CRYBB1: variants seen among roughly 807,000 people sequenced by gnomAD.
CRYBB1 encodes crystallin beta B1, also known as beta-crystallin B1.
Under a neutral mutation model 29.5 loss-of-function variants are expected in CRYBB1, and 16 were observed. The observed-to-expected ratio is 0.54, with a 90% CI of 0.37 to 0.82. CRYBB1 has a LOEUF of 0.82. CRYBB1 is among the 40% of genes least tolerant of loss of function. The pLI, the probability that CRYBB1 is intolerant of heterozygous loss-of-function variation, is 0.00. For synonymous variants in CRYBB1, 127 were observed against 136.7 expected, an observed-to-expected ratio of 0.93 and a Z score of 0.49; for missense variants, 300 against 350.5, an observed-to-expected ratio of 0.86 and a Z score of 1.15.
At chr22:26,617,115 G>A (rs1043237708) in intron 1 of CRYBB1, among the ~76,000 whole-genome samples, 15 of 152,148 alleles carry the variant, frequency 9.9e-5, no homozygotes, top group African/African-American at 3.6e-4. Flanking sequence ...TGAGGCTTAT[G>A]GGAGGACCCA....
Position 26,617,996 on chromosome 22 carries a change from T to C in CRYBB1, c.-39A>G. 6.5e-6 allele frequency: 1 copy of C among 153,566 alleles called. No individual in the cohort carries two copies. The highest frequency in any genetic ancestry group is 1.5e-5 in the Non-Finnish European group (1 of 68,644). 9.5% of individuals were successfully genotyped at this position (153,566 alleles called of 1,614,324 possible). A position where few individuals can be genotyped will look rare whatever the true frequency, so the allele number is the denominator to read the frequency against. Reference sequence around the variant, plus strand: ...TCTTACCTGGGGACTTGCTACTTCCTGCTGGAGGACAGGCAGGCGGGCAGG... The same window carrying C: ...TCTTACCTGGGGACTTGCTACTTCCCGCTGGAGGACAGGCAGGCGGGCAGG... On this transcript the variant is annotated 5_prime_UTR_variant, in exon 1 of 6. Transcript: ENST00000647684.
intron 2 of CRYBB1, among the ~76,000 whole-genome samples, chr22:26,615,045 T>C (rs1482660318): frequency 6.6e-6 from 1 of 152,180 alleles, no homozygotes; most frequent in East Asian, 1.9e-4. Flanking sequence ...GGCTTTTATA[T>C]GGGTGGTGGG....
intron 4 of CRYBB1, 144 bp downstream of exon 4, chr22:26,607,745 A>G: frequency 9.1e-7 from 1 of 1,094,910 alleles, no homozygotes; most frequent in Non-Finnish European, 1.4e-6. Context: ...GATGAGCTCA[A>G]GAATCCACGG....
chr22:26,613,813 G>A (rs896735922), intron 2 of CRYBB1, among the ~76,000 whole-genome samples: 6 of 152,154 alleles, frequency 3.9e-5, no homozygotes, highest in South Asian at 2.1e-4. Context: ...CCAGTGAGCC[G>A]GGCAGAACAG....
chr22:26,612,206 C>T lies in CRYBB1; in HGVS notation c.181-16G>A. 1 of 1,582,152 alleles carries T rather than the reference C, an allele frequency of 6.3e-7. No individual in the cohort carries two copies. The highest frequency in any genetic ancestry group is 2.2e-5 in the East Asian group (1 of 44,672). ...AGACCACCAGCTGCAGGAGAGAAGC[C>T]CCCATGCCAAGGGCAGAGTGAGGGG... On this transcript the variant is annotated splice_polypyrimidine_tract_variant and intron_variant, in intron 2 of 5. Coordinates refer to ENST00000647684, the MANE Select transcript of CRYBB1 (RefSeq NM_001887.4).
At chr22:26,603,860 G>A (rs1170069605) in intron 4 of CRYBB1, among the ~76,000 whole-genome samples, 1 of 152,094 alleles carries the variant, frequency 6.6e-6, no homozygotes, top group East Asian at 1.9e-4. Context: ...GGAGGCAGAG[G>A]TTGCAGTGAG....
chr22:26,611,520 T>C (rs1438239252), intron 3 of CRYBB1, among the ~76,000 whole-genome samples: 1 of 149,518 alleles, frequency 6.7e-6, no homozygotes. Flanking sequence ...CAGGCCGGAC[T>C]GCAGACTGCA....
At chr22:26,611,043 C>T (rs1256729294) in intron 3 of CRYBB1, among the ~76,000 whole-genome samples, 3 of 152,204 alleles carry the variant, frequency 2.0e-5, no homozygotes, top group Non-Finnish European at 4.4e-5. Flanking sequence ...AGGGCAACCA[C>T]TCTGCCCAAG....
intron 3 of CRYBB1, among the ~76,000 whole-genome samples, chr22:26,608,850 C>T (rs144195328): frequency 2.8e-3 from 419 of 152,014 alleles, no homozygotes; most frequent in African/African-American, 9.3e-3. Flanking sequence ...CCTCAGATAC[C>T]TATGGTAATA....
rs1928754633 is a variant in CRYBB1 at position 26,599,488 on chromosome 22, AC to A, written c.*1del. 6.2e-7 allele frequency: 1 copy of A among 1,609,064 alleles called. No homozygotes were observed. Among genetic ancestry groups the A allele is most frequent in the South Asian group, 1.1e-5 (1 of 90,984 alleles). ...GGCAAGGTAGCAGAGTGAGGTGTGG[AC>A]TCACTTGGGGGGCTCTGTGGCCAGG... On this transcript the variant is annotated 3_prime_UTR_variant, in exon 6 of 6. Transcript: ENST00000647684.
At chr22:26,608,512 C>T (rs970751663) in intron 3 of CRYBB1, among the ~76,000 whole-genome samples, 3 of 152,210 alleles carry the variant, frequency 2.0e-5, no homozygotes, top group African/African-American at 7.2e-5. Flanking sequence ...CCAGAACCTC[C>T]AGCAGACAAT....
At chr22:26,607,848 C>T (rs954723276) in intron 4 of CRYBB1, 41 bp downstream of exon 4, 28 of 1,613,682 alleles carry the variant, frequency 1.7e-5, no homozygotes, top group African/African-American at 1.2e-4. Context: ...TGCCCTGCCC[C>T]GCCTGGCTGA....
intron 4 of CRYBB1, among the ~76,000 whole-genome samples, chr22:26,607,577 A>G (rs1929020720): frequency 6.6e-6 from 1 of 151,792 alleles, no homozygotes; most frequent in Admixed American, 6.6e-5. Context: ...AAAAAAAAAA[A>G]AAGCTCCCAG....
intron 4 of CRYBB1, among the ~76,000 whole-genome samples, chr22:26,603,941 A>C (rs980813708): frequency 5.9e-5 from 9 of 151,616 alleles, no homozygotes; most frequent in African/African-American, 2.2e-4. Context: ...AAACAAACAA[A>C]CAACCAGGCC....
In CRYBB1 at chr22:26,616,132, G is replaced by A; in HGVS notation, c.180+8C>T. 2 of 1,613,150 alleles carry A rather than the reference G, an allele frequency of 1.2e-6. No homozygotes were observed. Among genetic ancestry groups the A allele is most frequent in the South Asian group, 2.2e-5 (2 of 91,070 alleles). On this transcript the variant is annotated splice_region_variant and intron_variant, in intron 2 of 5. Coordinates refer to ENST00000647684, the MANE Select transcript of CRYBB1 (RefSeq NM_001887.4). ...TGGCACCCAGCCACTGCACCCCCAGGTCCTTACCCTGTAGTTCCCAGGAGG... is the reference window on the plus strand; with the variant it reads ...TGGCACCCAGCCACTGCACCCCCAGATCCTTACCCTGTAGTTCCCAGGAGG...
chr22:26,609,131 GGACACT>G (rs774334749), intron 3 of CRYBB1, among the ~76,000 whole-genome samples: 3 of 152,088 alleles, frequency 2.0e-5, no homozygotes, highest in Non-Finnish European at 2.9e-5. Context: ...ACGGATGAGG[GGACACT>G]GACACTAGCA....
At chr22:26,605,760 T>A (rs1928959723) in intron 4 of CRYBB1, among the ~76,000 whole-genome samples, 1 of 151,746 alleles carries the variant, frequency 6.6e-6, no homozygotes, top group Non-Finnish European at 1.5e-5. Flanking sequence ...TATTTTTTTT[T>A]TTTATTTTGA....
rs150312309 is a variant in CRYBB1, at chr22:26,614,150, G to A, written c.181-1960C>T. 2.3e-3 allele frequency among the ~76,000 whole-genome samples: 348 copies of A among 152,186 alleles called. 1 individual carries two copies. Among genetic ancestry groups the A allele is most frequent in the African/African-American group, 8.0e-3 (331 of 41,518 alleles). ...TCATTAGCAATTTTAATTTTGCCCC[G>A]GTCCTGTGATCCTGTGATCTCTCCC... is the stretch of plus-strand genomic sequence containing the variant. On this transcript the variant is annotated intron_variant, in intron 2 of 5. Transcript: ENST00000647684.
chr22:26,607,668 G>C (rs1929024152), intron 4 of CRYBB1, among the ~76,000 whole-genome samples: 1 of 151,582 alleles, frequency 6.6e-6, no homozygotes, highest in African/African-American at 2.4e-5. Flanking sequence ...GGAAGCTTTT[G>C]TGCTTATCAT....
Sources: gnomAD v4.1 joint callset for allele counts (sites outside exome capture counted in the v4.1 genomes callset) on GRCh38, gnomAD v4.1.1 for gene constraint, MANE v1.5 for transcripts, NCBI Gene and HGNC (gene_info 2026-07-23, HGNC 2026-07-21) for gene names.